The following GDA variants were observed in gnomAD, a reference collection of about 807,000 sequenced individuals.
GDA encodes cytoplasmic PSD-95 interactor.
Under a neutral mutation model 59.6 loss-of-function variants are expected in GDA, and 18 were observed. The ratio of observed to expected loss-of-function variants is 0.30; its 90% CI spans 0.21 to 0.45. The LOEUF (loss-of-function observed/expected upper bound fraction) is 0.45. GDA is among the 20% of genes least tolerant of loss of function. The pLI is 1.00. For synonymous variants in GDA, 201 were observed against 201.1 expected (o/e 1.00, Z 0.00); for missense variants, 427 against 552.3 (o/e 0.77, Z 2.27).
At chr9:72,141,107 C>G (rs1826426054) in intron 1 of GDA, among the ~76,000 whole-genome samples, 1 of 152,160 alleles carries the variant, frequency 6.6e-6, no homozygotes, top group Admixed American at 6.6e-5. Context: ...TTATATATAA[C>G]TTAGCATTAA....
intron 1 of GDA, among the ~76,000 whole-genome samples, chr9:72,183,827 TA>T (rs1394179034): frequency 6.6e-6 from 1 of 152,200 alleles, no homozygotes; most frequent in Admixed American, 6.5e-5. Context: ...CATTTTAGAA[TA>T]TGTTGCTTTA....
At chr9:72,188,954 T>C (rs899517621) in intron 1 of GDA, among the ~76,000 whole-genome samples, 1 of 152,054 alleles carries the variant, frequency 6.6e-6, no homozygotes, top group African/African-American at 2.4e-5. Flanking sequence ...TTTTTTCCCA[T>C]TGGGTTTTGG....
intron 6 of GDA, 98 bp downstream of exon 6, chr9:72,219,604 C>A: frequency 1.3e-6 from 1 of 789,940 alleles, no homozygotes; most frequent in Non-Finnish European, 2.1e-6. Flanking sequence ...GTACGACTGG[C>A]TTATCTCATG....
chr9:72,208,476 T>C (rs1834994571), intron 3 of GDA, among the ~76,000 whole-genome samples: 1 of 151,998 alleles, frequency 6.6e-6, no homozygotes, highest in Admixed American at 6.5e-5. Context: ...CCATTTTCTT[T>C]CTTGAAGATC....
rs1215632743 is a variant in GDA at position 72,248,770 on chromosome 9, G to T, written c.*428G>T. 8.1e-6 allele frequency: 8 copies of T among 992,824 alleles called. No homozygotes were observed. Among genetic ancestry groups the T allele is most frequent in the Admixed American group, 5.6e-5 (1 of 17,882 alleles). The allele number at this position is 992,824 out of a possible 1,614,324, so 61.5% of individuals were successfully genotyped here. ...CCCATGAGAGTATATTTTTATGAGGGAGCAAAAGTTAGACTGAGAACAAAC... is the reference window on the plus strand; with the variant it reads ...CCCATGAGAGTATATTTTTATGAGGTAGCAAAAGTTAGACTGAGAACAAAC... On this transcript the variant is annotated 3_prime_UTR_variant, in exon 14 of 14. Transcript: ENST00000358399.
intron 1 of GDA, among the ~76,000 whole-genome samples, chr9:72,152,460 A>G (rs943752180): frequency 7.2e-5 from 11 of 152,208 alleles, no homozygotes; most frequent in Non-Finnish European, 1.5e-4. Flanking sequence ...TTTTAAGAAT[A>G]TAGACTCTAA....
At chr9:72,188,463 A>G (rs1287348634) in intron 1 of GDA, among the ~76,000 whole-genome samples, 1 of 152,330 alleles carries the variant, frequency 6.6e-6, no homozygotes. Flanking sequence ...TCAGGCCACA[A>G]CTTCAGAAGA....
upstream of GDA, among the ~76,000 whole-genome samples, chr9:72,145,000 G>T (rs896524756): frequency 4.0e-5 from 6 of 151,726 alleles, no homozygotes; most frequent in African/African-American, 1.5e-4. Context: ...AATAAAATAG[G>T]CAGGCATTTA....
intron 7 of GDA, among the ~76,000 whole-genome samples, chr9:72,225,279 T>A (rs1270891788): frequency 1.3e-5 from 2 of 152,064 alleles, no homozygotes; most frequent in Non-Finnish European, 2.9e-5. Context: ...AGACCCTATC[T>A]CAAAACAAAA....
In GDA at chr9:72,231,190, T is replaced by A; in HGVS notation, c.988+9T>A. ...GATAGGGCTGGGTACAGGTTAGTAG[T>A]TCACCATTTGGAGCTATGGCAAAGT... On this transcript the variant is annotated intron_variant, in intron 10 of 13. Transcript: ENST00000358399. 1 of 1,442,496 alleles carries A rather than the reference T, an allele frequency of 6.9e-7. No homozygotes were observed. Among genetic ancestry groups the A allele is most frequent in the Non-Finnish European group, 9.8e-7 (1 of 1,023,592 alleles). 89.4% of individuals were successfully genotyped at this position (1,442,496 alleles called of 1,614,324 possible). A position where few individuals can be genotyped will look rare whatever the true frequency, so the allele number is the denominator to read the frequency against.
chr9:72,172,699 A>T (rs969735305), intron 1 of GDA, among the ~76,000 whole-genome samples: 2 of 152,208 alleles, frequency 1.3e-5, no homozygotes, highest in African/African-American at 4.8e-5. Context: ...GGGGAATGAG[A>T]TGGAGAACAC....
At position 72,152,697 on chromosome 9, in the gene GDA, G is replaced by A. The variant is rs184536501; in HGVS notation, c.123+3015G>A. Among the ~76,000 whole-genome samples the A allele has an allele frequency of 2.0e-5, 3 of 152,236 alleles. No homozygotes were observed. In the East Asian group the frequency reaches 5.8e-4, roughly 29 times the overall value. On this transcript the variant is annotated intron_variant, in intron 1 of 13. Transcript: ENST00000358399. ...TGTGGATTCTTGATATTAGCCCTTT[G>A]TCAGATGAGTAGGTTGTGAAAATTT...
intron 1 of GDA, among the ~76,000 whole-genome samples, chr9:72,189,422 C>T (rs534325538): frequency 6.6e-6 from 1 of 152,062 alleles, no homozygotes; most frequent in South Asian, 2.1e-4. Flanking sequence ...AATTGATCCT[C>T]CCACCTCAGC....
intron 1 of GDA, among the ~76,000 whole-genome samples, chr9:72,190,075 T>C (rs1832345643): frequency 6.6e-6 from 1 of 152,082 alleles, no homozygotes; most frequent in South Asian, 2.1e-4. Context: ...GGGTTAGTTA[T>C]TGTGAGAGTA....
intron 1 of GDA, among the ~76,000 whole-genome samples, chr9:72,136,377 G>C (rs571691150): frequency 6.6e-6 from 1 of 152,328 alleles, no homozygotes; most frequent in East Asian, 1.9e-4. Context: ...ATGTGATTAT[G>C]TGAAATTCAA....
At chr9:72,165,594 A>C (rs1422263863) in intron 1 of GDA, among the ~76,000 whole-genome samples, 2 of 151,938 alleles carry the variant, frequency 1.3e-5, no homozygotes, top group Non-Finnish European at 1.5e-5. Context: ...GAAAATAAAA[A>C]TAAAATTTAA....
chr9:72,218,427 C>T (rs935532376), intron 5 of GDA, among the ~76,000 whole-genome samples: 3 of 152,224 alleles, frequency 2.0e-5, no homozygotes, highest in Non-Finnish European at 4.4e-5. Context: ...ACCCGCCTTC[C>T]TTTAGCATCA....
intron 5 of GDA, among the ~76,000 whole-genome samples, chr9:72,218,329 T>C (rs1266128601): frequency 6.6e-6 from 1 of 152,248 alleles, no homozygotes; most frequent in Non-Finnish European, 1.5e-5. Context: ...TCAGCTTTTT[T>C]TCTGTTCCCC....
intron 10 of GDA, among the ~76,000 whole-genome samples, chr9:72,235,949 A>C (rs1838941451): frequency 6.6e-6 from 1 of 152,172 alleles, no homozygotes; most frequent in South Asian, 2.1e-4. Context: ...AGCAACATAC[A>C]TGGAGCCAGT....
Sources: allele counts gnomAD v4.1 joint callset (sites outside exome capture counted in the v4.1 genomes callset), GRCh38; gene constraint gnomAD v4.1.1; transcripts MANE v1.5; gene names NCBI Gene and HGNC (gene_info 2026-07-23, HGNC 2026-07-21).